Variants in KIAA1210 observed in about 807,000 individuals in gnomAD.
KIAA1210 encodes the protein acrosomal protein KIAA1210.
A neutral mutation model predicts 78.9 loss-of-function variants in KIAA1210; 48 were observed. The ratio of observed to expected loss-of-function variants is 0.61; its 90% CI spans 0.48 to 0.77. The LOEUF (loss-of-function observed/expected upper bound fraction) is 0.77. Ranked by LOEUF, KIAA1210 falls within the 30% of genes least tolerant of loss-of-function variation. The pLI is 0.00. For synonymous variants in KIAA1210, 406 were observed against 404.5 expected (o/e 1.00, Z -0.04); for missense variants, 1,108 against 1,100.0 (o/e 1.01, Z -0.10).
intron 11 of KIAA1210, among the ~76,000 whole-genome samples, chrX:119,081,910 C>T (rs1327786431): frequency 8.9e-6 from 1 of 112,401 alleles, no homozygotes; most frequent in Admixed American, 9.4e-5. Context: ...TGCCAATCCA[C>T]GATTTCATGT....
chrX:119,112,856 G>T (rs1928125198), intron 3 of KIAA1210, among the ~76,000 whole-genome samples: 1 of 111,547 alleles, frequency 9.0e-6, no homozygotes, highest in Non-Finnish European at 1.9e-5. Context: ...ATATCCCAGA[G>T]AAATAAAAAC....
At chrX:119,102,328 A>G (rs752269318) in intron 6 of KIAA1210, among the ~76,000 whole-genome samples, 26 of 112,660 alleles carry the variant, frequency 2.3e-4, no homozygotes, top group Non-Finnish European at 2.2e-4. Context: ...GGGAGGGAGC[A>G]TTATGTTCTC....
At chrX:119,093,986 T>A (rs776391821) in intron 7 of KIAA1210, 1 of 1,141,736 alleles carries the variant, frequency 8.8e-7, no homozygotes, top group Non-Finnish European at 1.2e-6. Context: ...TCATTTTACC[T>A]ACTGGAAGTG....
At chrX:119,099,787 CA>C (rs1012520029) in intron 6 of KIAA1210, among the ~76,000 whole-genome samples, 5 of 111,758 alleles carry the variant, frequency 4.5e-5, no homozygotes, top group Admixed American at 3.8e-4. Context: ...GTAAGAAGAT[CA>C]GGGGAAAGGC....
intron 2 of KIAA1210, among the ~76,000 whole-genome samples, chrX:119,140,295 G>A (rs760316943): frequency 9.0e-6 from 1 of 111,077 alleles, no homozygotes; most frequent in Non-Finnish European, 1.9e-5. Context: ...CTGGGAGGCC[G>A]AGGCAGGTGG....
rs111299418 is a variant in KIAA1210 at position 119,096,617 on chromosome X, A to G, written c.723T>C (p.Ser241=). Residue 241 remains serine (S), a synonymous_variant, in exon 7 of 12, where the codon AGT becomes AGC. Transcript: ENST00000691062. ...TGAAACCAATGGGCAGCTGGGTGCT[A>G]CTGGTAGAGGCAAGTGTGGCAAATG... The part of the protein sequence containing the change: ...LTAFATLAST[S]STQLPIGFST... The G allele has an allele frequency of 9.6e-3, 11,639 of 1,208,472 alleles. 702 individuals are homozygous for G. In the African/African-American group the frequency reaches 0.17, roughly 18 times the overall value.
Position 119,089,297 on chromosome X carries a change from T to A in KIAA1210, c.1405A>T (p.Met469Leu), listed in dbSNP as rs761888700. The change falls in exon 9 of 12, where the codon ATG (methionine) becomes TTG (leucine). Residue 469 changes from methionine to leucine, a missense_variant. Coordinates refer to ENST00000691062, the MANE Select transcript of KIAA1210 (RefSeq NM_001394962.1). ...TGGTATGGTTGTGGATCACTAACCA[T>A]GGAATTGTCCATGTTTTCAGGTATG... Reference protein sequence around the residue: ...QPIPENMDNSMVSDPQPYHED... With the variant: ...QPIPENMDNSLVSDPQPYHED... 3 of 1,210,210 alleles carry A rather than the reference T, an allele frequency of 2.5e-6. No homozygotes were observed. The African/African-American group carries it at 5.2e-5, about 21-fold the overall frequency.
exon 1 of KIAA1210, chrX:119,150,294 T>C: frequency 8.3e-7 from 1 of 1,203,247 alleles, no homozygotes. Flanking sequence ...AAAGTACCCC[T>C]GCACCAAGTG....
At chrX:119,140,573 C>T (rs1007072011) in intron 2 of KIAA1210, among the ~76,000 whole-genome samples, 1 of 97,331 alleles carries the variant, frequency 1.0e-5, no homozygotes, top group Non-Finnish European at 2.1e-5. Flanking sequence ...GCAGATTTAA[C>T]TAAAAATTCC....
chrX:119,108,528 G>A (rs1355263582), intron 4 of KIAA1210, 57 bp from the exon 5 acceptor site: 2 of 1,151,784 alleles, frequency 1.7e-6, no homozygotes, highest in African/African-American at 3.6e-5. Context: ...CATAAACAGT[G>A]GAATGTTGCT....
intron 2 of KIAA1210, among the ~76,000 whole-genome samples, chrX:119,135,045 T>C (rs1350461745): frequency 8.9e-6 from 1 of 112,562 alleles, no homozygotes; most frequent in African/African-American, 3.2e-5. Context: ...TTGTTTTTAT[T>C]CTTTTCACAC....
At chrX:119,133,494 G>A (rs752524888) in intron 2 of KIAA1210, among the ~76,000 whole-genome samples, 3 of 111,333 alleles carry the variant, frequency 2.7e-5, no homozygotes, top group Middle Eastern at 4.2e-3. Context: ...GGATATAGAC[G>A]GAATGATTGG....
intron 6 of KIAA1210, among the ~76,000 whole-genome samples, chrX:119,103,960 T>G (rs1927811901): frequency 8.9e-6 from 1 of 111,972 alleles, no homozygotes; most frequent in Admixed American, 9.5e-5. Context: ...GAATGGTGAA[T>G]GACTGCTTAA....
chrX:119,142,246 G>T (rs922859992), intron 2 of KIAA1210, among the ~76,000 whole-genome samples: 12 of 112,349 alleles, frequency 1.1e-4, no homozygotes, highest in African/African-American at 3.9e-4. Flanking sequence ...CCAGAGCAGT[G>T]CTCAATAAAG....
Position 119,119,597 on chromosome X carries a change from C to A in KIAA1210, c.62-2933G>T, listed in dbSNP as rs745356709. Among the ~76,000 whole-genome samples the A allele has an allele frequency of 5.3e-5, 6 of 112,421 alleles. No individual in the cohort carries two copies. The Admixed American group carries it at 5.6e-4, about 11-fold the overall frequency. On this transcript the variant is annotated intron_variant, in intron 2 of 11. Coordinates refer to ENST00000691062, the MANE Select transcript of KIAA1210 (RefSeq NM_001394962.1). ...TGGTGGCTCACACCTGTAATCCCAG[C>A]ACTTTGGGAAGCCAAGGCAGGAGGA...
rs1416305449 is a variant in KIAA1210, at chrX:119,117,830, C to T, written c.62-1166G>A. Reference sequence around the variant, plus strand: ...ACTAGAGTTGAGTTCTAGTCTCAAACGCGAACTCTTGGGCTCAAGTGATCC... The same window carrying T: ...ACTAGAGTTGAGTTCTAGTCTCAAATGCGAACTCTTGGGCTCAAGTGATCC... On this transcript the variant is annotated intron_variant, in intron 2 of 11. Coordinates refer to ENST00000691062, the MANE Select transcript of KIAA1210 (RefSeq NM_001394962.1). Among the ~76,000 whole-genome samples, 10 of 110,889 alleles carry T rather than the reference C, an allele frequency of 9.0e-5. 1 individual carries two copies. In the South Asian group the frequency reaches 1.6e-3, roughly 17 times the overall value.
At chrX:119,108,957 G>C (rs1391598458) in intron 4 of KIAA1210, 119 bp downstream of exon 4, 1 of 704,114 alleles carries the variant, frequency 1.4e-6, no homozygotes, top group Non-Finnish European at 2.1e-6. Context: ...AGCCCTGTGG[G>C]GGTAGGATCA....
chrX:119,114,825 C>T (rs1486699914), intron 3 of KIAA1210, among the ~76,000 whole-genome samples: 1 of 112,111 alleles, frequency 8.9e-6, no homozygotes, highest in African/African-American at 3.2e-5. Context: ...GTCCACTTAA[C>T]ATATCTTGTG....
At chrX:119,126,195 T>G (rs1383347585) in intron 1 of KIAA1210, among the ~76,000 whole-genome samples, 1 of 98,339 alleles carries the variant, frequency 1.0e-5, no homozygotes, top group Non-Finnish European at 2.0e-5. Flanking sequence ...AAACCCCTGA[T>G]GTATCTCCAG....
Sources: allele counts gnomAD v4.1 joint callset (sites outside exome capture counted in the v4.1 genomes callset), GRCh38; gene constraint gnomAD v4.1.1; transcripts MANE v1.5; gene names NCBI Gene and HGNC (gene_info 2026-07-23, HGNC 2026-07-21).